The following R3HDM2 variants were observed in gnomAD, a reference collection of about 807,000 sequenced individuals.
R3HDM2 encodes the protein R3H domain containing 2.
Under a neutral mutation model 124.5 loss-of-function variants are expected in R3HDM2, and 38 were observed. The ratio of observed to expected loss-of-function variants is 0.31; its 90% CI spans 0.24 to 0.40. The LOEUF is 0.40. Among genes scored for constraint, R3HDM2 ranks in the 10% least tolerant of loss-of-function variants. R3HDM2 has a pLI of 1.00. For synonymous variants in R3HDM2, 391 were observed against 448.0 expected (o/e 0.87, Z 1.61); for missense variants, 869 against 1,236.9 (o/e 0.70, Z 4.46).
chr12:57,296,270 G>A lies in R3HDM2; in HGVS notation c.701+141C>T, dbSNP rs2138554345. 2 of 907,478 alleles carry A rather than the reference G, an allele frequency of 2.2e-6. No homozygotes were observed. The highest frequency in any genetic ancestry group is 5.4e-5 in the East Asian group (2 of 37,142). The allele number at this position is 907,478 out of a possible 1,614,324, so 56.2% of individuals were successfully genotyped here. ...TGGCTTCAAGCAGTCTTCCCATCTT[G>A]GCCTCCCAAAGTGCTGGGATTACAG... On this transcript the variant is annotated intron_variant, in intron 9 of 23. Coordinates refer to ENST00000402412, the MANE Select transcript of R3HDM2 (RefSeq NM_001394031.1). The surrounding 1 kb of genome is among the most constrained non-coding windows in gnomAD (Gnocchi z 4.5).
chr12:57,313,973 G>C (rs111582748), intron 2 of R3HDM2, among the ~76,000 whole-genome samples: 25 of 151,374 alleles, frequency 1.7e-4, no homozygotes, highest in African/African-American at 5.6e-4. Flanking sequence ...CGGATCACCT[G>C]ATGTTGGGAG....
chr12:57,302,739 T>C (rs1183535573), intron 4 of R3HDM2, among the ~76,000 whole-genome samples: 1 of 150,018 alleles, frequency 6.7e-6, no homozygotes, highest in South Asian at 2.1e-4. Flanking sequence ...TCCAGAAATG[T>C]TGAGTCATTT....
intron 2 of R3HDM2, among the ~76,000 whole-genome samples, chr12:57,379,557 G>C (rs899848504): frequency 6.6e-6 from 1 of 151,742 alleles, no homozygotes; most frequent in Non-Finnish European, 1.5e-5. Flanking sequence ...TCCAGCCTGG[G>C]CAACAAGAGC....
intron 4 of R3HDM2, among the ~76,000 whole-genome samples, chr12:57,302,687 G>C (rs971892898): frequency 1.6e-5 from 2 of 122,740 alleles, no homozygotes; most frequent in Admixed American, 1.6e-4. Context: ...AAAAAAAAAA[G>C]TAAAACATTA....
chr12:57,267,933 C>T (rs1449051397), intron 18 of R3HDM2, among the ~76,000 whole-genome samples: 1 of 152,108 alleles, frequency 6.6e-6, no homozygotes, highest in Non-Finnish European at 1.5e-5. Context: ...ATAGACACAC[C>T]ATCAGTTTCA....
intron 2 of R3HDM2, among the ~76,000 whole-genome samples, chr12:57,381,785 C>CAT (rs2064918943): frequency 6.6e-6 from 1 of 151,700 alleles, no homozygotes; most frequent in Admixed American, 6.6e-5. Context: ...TATATACATA[C>CAT]ATATAGAGAG....
chr12:57,410,115 C>G (rs1296974472), intron 1 of R3HDM2, among the ~76,000 whole-genome samples: 1 of 151,868 alleles, frequency 6.6e-6, no homozygotes, highest in East Asian at 1.9e-4. Context: ...GCAACAAGAT[C>G]CTACTTTTCC....
At position 57,255,041 on chromosome 12, in the gene R3HDM2, G is replaced by A. The variant is rs1333333574; in HGVS notation, c.2705C>T (p.Thr902Met). The change falls in exon 24 of 24, where the codon ACG becomes ATG. Residue 902 changes from threonine (T) to methionine (M), a missense_variant. Physicochemically the swap from Thr to Met is moderately conservative, Grantham distance 81 (BLOSUM62 -1). Coordinates refer to ENST00000402412, the MANE Select transcript of R3HDM2 (RefSeq NM_001394031.1). The stretch of plus-strand genomic sequence containing the variant: ...CTTGGCGCCAGACATGGCGAGCTGC[G>A]TGAAGAGTTTGTCCGCCTCAGTACG... ...ITRTEADKLF[T>M]QLAMSGAKIQ... 19 of 1,613,682 alleles carry A rather than the reference G, an allele frequency of 1.2e-5. No homozygotes were observed. Among genetic ancestry groups the A allele is most frequent in the East Asian group, 4.5e-5 (2 of 44,870 alleles).
chr12:57,411,163 A>T (rs1430738266), intron 1 of R3HDM2, among the ~76,000 whole-genome samples: 3 of 152,156 alleles, frequency 2.0e-5, no homozygotes, highest in African/African-American at 7.2e-5. Flanking sequence ...CCCCATCAAA[A>T]CAATATTTTA....
chr12:57,410,630 A>G (rs1181724388), intron 1 of R3HDM2, among the ~76,000 whole-genome samples: 1 of 152,208 alleles, frequency 6.6e-6, no homozygotes, highest in Non-Finnish European at 1.5e-5. Flanking sequence ...AGGCAGGAAG[A>G]TCGCCTGAGG....
intron 2 of R3HDM2, among the ~76,000 whole-genome samples, chr12:57,375,476 T>C (rs2063924859): frequency 6.6e-6 from 1 of 152,180 alleles, no homozygotes; most frequent in Non-Finnish European, 1.5e-5. Context: ...AAAATGGCTA[T>C]ATCTCTTCAT....
At chr12:57,383,222 A>G (rs1259170889) in intron 2 of R3HDM2, among the ~76,000 whole-genome samples, 1 of 152,150 alleles carries the variant, frequency 6.6e-6, no homozygotes, top group East Asian at 1.9e-4. Flanking sequence ...TGGGAGGCTG[A>G]GGTGAGAGGA....
chr12:57,379,344 G>A (rs2064525363), intron 2 of R3HDM2, among the ~76,000 whole-genome samples: 1 of 152,164 alleles, frequency 6.6e-6, no homozygotes, highest in African/African-American at 2.4e-5. Flanking sequence ...ACTTTGGGAG[G>A]CCGAGGCAGG....
In R3HDM2 at chr12:57,312,696, C is replaced by A. The variant is rs149498968; in HGVS notation, c.-35-2233G>T. Among the ~76,000 whole-genome samples the A allele has an allele frequency of 7.6e-4, 116 of 152,114 alleles. No homozygotes were observed. In the East Asian group the frequency reaches 0.016, roughly 20 times the overall value. ...GACCAGCCTGACCAATATGGTGAAA[C>A]AATGTCTCTACTAAAAATACAAAAA... On this transcript the variant is annotated intron_variant, in intron 2 of 23. Transcript: ENST00000402412.
At chr12:57,327,135 G>A (rs948511306) in intron 2 of R3HDM2, among the ~76,000 whole-genome samples, 6 of 152,180 alleles carry the variant, frequency 3.9e-5, no homozygotes, top group African/African-American at 1.2e-4. Flanking sequence ...CATGGATCAA[G>A]GAGTCATTTA....
intron 2 of R3HDM2, among the ~76,000 whole-genome samples, chr12:57,387,503 CACTTTTAG>C (rs2066019171): frequency 6.6e-6 from 1 of 152,148 alleles, no homozygotes; most frequent in African/African-American, 2.4e-5. Flanking sequence ...GGTTTACTGT[CACTTTTAG>C]TAAATTTATA....
At chr12:57,364,042 A>G (rs1413127160) in intron 2 of R3HDM2, among the ~76,000 whole-genome samples, 1 of 152,062 alleles carries the variant, frequency 6.6e-6, no homozygotes, top group Non-Finnish European at 1.5e-5. Context: ...TGTTATCAGA[A>G]TCATTAGCTT....
rs756136071 is a variant in R3HDM2, at chr12:57,268,261, T to C, written c.2030+42A>G. The C allele has an allele frequency of 3.9e-5, 63 of 1,599,332 alleles. No individual in the cohort carries two copies. The African/African-American group carries it at 6.8e-4, about 17-fold the overall frequency. On this transcript the variant is annotated intron_variant, in intron 18 of 23. Coordinates refer to ENST00000402412, the MANE Select transcript of R3HDM2 (RefSeq NM_001394031.1). ...ACCATGATGCAACTGTTGCTGAAGGTCTATGGGAGATGTCCTGTCCTGGCT... is the reference window on the plus strand; with the variant it reads ...ACCATGATGCAACTGTTGCTGAAGGCCTATGGGAGATGTCCTGTCCTGGCT...
chr12:57,359,074 C>A (rs1347923597), intron 2 of R3HDM2, among the ~76,000 whole-genome samples: 1 of 151,990 alleles, frequency 6.6e-6, no homozygotes, highest in Non-Finnish European at 1.5e-5. Context: ...CCCATCACCA[C>A]GCCCATCTAA....
Sources: gnomAD v4.1 joint callset for allele counts (sites outside exome capture counted in the v4.1 genomes callset) on GRCh38, gnomAD v4.1.1 for gene constraint, Gnocchi (gnomAD v3.1) non-coding constraint, MANE v1.5 for transcripts, NCBI Gene and HGNC (gene_info 2026-07-23, HGNC 2026-07-21) for gene names.